TMEM117: variants seen among roughly 807,000 people sequenced by gnomAD.
The protein encoded by TMEM117 is transmembrane protein 117.
In TMEM117, 27 loss-of-function variants were observed where a neutral mutation model predicts 52.4. That is an observed-to-expected ratio of 0.51 (90% confidence interval 0.38 to 0.71). The LOEUF is 0.71. Among genes scored for constraint, TMEM117 ranks in the 30% least tolerant of loss-of-function variants. The pLI is 0.00. For synonymous variants in TMEM117, 215 were observed against 206.3 expected, an observed-to-expected ratio of 1.04 and a Z score of -0.36; for missense variants, 556 against 630.5, an observed-to-expected ratio of 0.88 and a Z score of 1.26.
At chr12:44,205,749 GA>G (rs1286814869) in intron 4 of TMEM117, among the ~76,000 whole-genome samples, 1 of 151,770 alleles carries the variant, frequency 6.6e-6, no homozygotes, top group Non-Finnish European at 1.5e-5. Context: ...CTATTAAAAA[GA>G]AAAAAAATGA....
the TMEM117 span, among the ~76,000 whole-genome samples, chr12:44,398,022 G>A: frequency 8.6e-5 from 13 of 151,664 alleles, no homozygotes; most frequent in African/African-American, 2.2e-4. Flanking sequence ...ACCCTACTCC[G>A]GCCCCATACC....
At chr12:44,007,158 A>C (rs187460358) in intron 3 of TMEM117, among the ~76,000 whole-genome samples, 181 of 152,330 alleles carry the variant, frequency 1.2e-3, no homozygotes, top group African/African-American at 4.2e-3. Flanking sequence ...TTACTTATAC[A>C]AAACTATACC....
At chr12:44,087,421 ATTCT>A (rs1947588585) in intron 3 of TMEM117, among the ~76,000 whole-genome samples, 1 of 150,622 alleles carries the variant, frequency 6.6e-6, no homozygotes, top group African/African-American at 2.5e-5. Context: ...TTTTCTTACC[ATTCT>A]TTCTATGTGT....
intron 5 of TMEM117, among the ~76,000 whole-genome samples, chr12:44,238,588 C>T (rs966746724): frequency 6.6e-5 from 10 of 152,064 alleles, no homozygotes; most frequent in Admixed American, 4.6e-4. Context: ...GTGCAATTAT[C>T]GTGCTTGTGA....
chr12:44,197,787 TTAA>T (rs1318838686), intron 4 of TMEM117, among the ~76,000 whole-genome samples: 1 of 152,176 alleles, frequency 6.6e-6, no homozygotes, highest in Non-Finnish European at 1.5e-5. Flanking sequence ...ATTTCCTTAC[TTAA>T]TAATAAAACA....
At chr12:44,382,532 T>C (rs1952035088) in intron 7 of TMEM117, among the ~76,000 whole-genome samples, 1 of 152,222 alleles carries the variant, frequency 6.6e-6, no homozygotes, top group South Asian at 2.1e-4. Context: ...AAAAACTAGT[T>C]GGTATCTGGA....
chr12:44,052,216 AT>A (rs1411298088), intron 3 of TMEM117, among the ~76,000 whole-genome samples: 1 of 152,124 alleles, frequency 6.6e-6, no homozygotes, highest in Non-Finnish European at 1.5e-5. Context: ...CTTCAGTACT[AT>A]TGGGCTTGTT....
intron 3 of TMEM117, among the ~76,000 whole-genome samples, chr12:44,115,124 C>G (rs373351062): frequency 6.6e-6 from 1 of 152,134 alleles, no homozygotes; most frequent in Non-Finnish European, 1.5e-5. Context: ...CAGACATTGC[C>G]AATCCTTTAA....
intron 4 of TMEM117, among the ~76,000 whole-genome samples, chr12:44,198,664 C>G (rs1209966546): frequency 6.6e-6 from 1 of 152,018 alleles, no homozygotes; most frequent in Non-Finnish European, 1.5e-5. Flanking sequence ...CATGGAGGCT[C>G]CCAGGCAAAT....
chr12:44,024,312 A>G (rs1352272427), intron 3 of TMEM117, among the ~76,000 whole-genome samples: 1 of 151,838 alleles, frequency 6.6e-6, no homozygotes, highest in South Asian at 2.1e-4. Flanking sequence ...GAAGTCATAA[A>G]AGTAAGGTGA....
chr12:43,826,444 G>A, the TMEM117 span, among the ~76,000 whole-genome samples: 60 of 152,282 alleles, frequency 3.9e-4, no homozygotes, highest in African/African-American at 1.1e-3. Flanking sequence ...GCTTCAAACA[G>A]ATAATGTCAT....
chr12:44,138,116 G>A (rs1178814232), intron 3 of TMEM117, among the ~76,000 whole-genome samples: 1 of 152,032 alleles, frequency 6.6e-6, no homozygotes, highest in Non-Finnish European at 1.5e-5. Context: ...GTATGGGGTG[G>A]GTTGCAAGCT....
chr12:44,361,733 A>G (rs541476034), intron 6 of TMEM117, among the ~76,000 whole-genome samples: 38 of 152,278 alleles, frequency 2.5e-4, no homozygotes, highest in Middle Eastern at 6.8e-3. Context: ...GTGACGCTGT[A>G]ATAGAAGATT....
the TMEM117 span, among the ~76,000 whole-genome samples, chr12:43,805,119 G>A: frequency 6.6e-5 from 10 of 152,170 alleles, no homozygotes; most frequent in African/African-American, 2.4e-4. Context: ...TAAACTCATT[G>A]AATAAATATG....
At chr12:44,245,650 T>C (rs1021429306) in intron 5 of TMEM117, among the ~76,000 whole-genome samples, 13 of 151,972 alleles carry the variant, frequency 8.6e-5, no homozygotes, top group Non-Finnish European at 1.9e-4. Context: ...AGAAAGAATT[T>C]CACTTCTTCC....
intron 3 of TMEM117, among the ~76,000 whole-genome samples, chr12:43,995,840 C>A (rs1459009064): frequency 2.6e-5 from 4 of 152,236 alleles, no homozygotes; most frequent in African/African-American, 9.6e-5. Context: ...AAATTAACAA[C>A]TGATGTGATT....
chr12:44,367,111 C>G (rs1293354942), intron 6 of TMEM117, among the ~76,000 whole-genome samples: 1 of 152,170 alleles, frequency 6.6e-6, no homozygotes, highest in East Asian at 1.9e-4. Context: ...TTATTTTATG[C>G]TAACAAAATT....
intron 6 of TMEM117, among the ~76,000 whole-genome samples, chr12:44,367,770 A>G (rs933145434): frequency 6.6e-6 from 1 of 151,778 alleles, no homozygotes; most frequent in Non-Finnish European, 1.5e-5. Context: ...CCACTTCTCT[A>G]TTTTCTGCAA....
intron 3 of TMEM117, among the ~76,000 whole-genome samples, chr12:44,042,153 A>G (rs1175947418): frequency 2.6e-5 from 4 of 152,212 alleles, no homozygotes; most frequent in African/African-American, 7.2e-5. Context: ...AAGTTTCAAG[A>G]TACAAGATCA....
Sources: allele counts gnomAD v4.1 joint callset (sites outside exome capture counted in the v4.1 genomes callset), GRCh38; gene constraint gnomAD v4.1.1; transcripts MANE v1.5; gene names NCBI Gene and HGNC (gene_info 2026-07-23, HGNC 2026-07-21).